Variants in TTLL3 observed in about 807,000 individuals in gnomAD.
The protein encoded by TTLL3 is tubulin tyrosine ligase like 3.
A neutral mutation model predicts 75.2 loss-of-function variants in TTLL3; 63 were observed. That is an observed-to-expected ratio of 0.84 (90% CI 0.68 to 1.03). The LOEUF (loss-of-function observed/expected upper bound fraction) is 1.03, where lower values mean the gene tolerates loss of function less well. Ranked by LOEUF, TTLL3 falls within the 50% of genes least tolerant of loss-of-function variation. The pLI is 0.00. For missense variants in TTLL3, 997 were observed against 1,069.9 expected, an observed-to-expected ratio of 0.93 and a Z score of 0.95; for synonymous variants, 393 against 418.5, an observed-to-expected ratio of 0.94 and a Z score of 0.74.
chr3:9,816,067 TC>T lies in TTLL3; in HGVS notation c.316-3del. Reference sequence around the variant, plus strand: ...CTCTGTGTTTCTGTCTCCTCCTGTCTCCCCAGTCCCGCATGGTCCAGAATGA... The same window carrying T: ...CTCTGTGTTTCTGTCTCCTCCTGTCTCCCAGTCCCGCATGGTCCAGAATGA... On this transcript the variant is annotated splice_region_variant and splice_polypyrimidine_tract_variant and intron_variant, in intron 4 of 13. Transcript: ENST00000685419. The T allele has an allele frequency of 7.4e-7, 1 of 1,350,452 alleles. No individual in the cohort carries two copies. The highest frequency in any genetic ancestry group is 9.9e-7 in the Non-Finnish European group (1 of 1,012,698). 83.7% of individuals were successfully genotyped at this position (1,350,452 alleles called of 1,614,324 possible).
At chr3:9,810,206 G>A, upstream of TTLL3, 2 of 1,486,400 alleles carry the variant, frequency 1.3e-6, no homozygotes, top group East Asian at 2.8e-5. The surrounding 1 kb of genome is among the most constrained non-coding windows in gnomAD (Gnocchi z 4.4). Flanking sequence ...CCATGGGCCG[G>A]CCCTGCCTCC....
chr3:9,821,822 G>A (rs919532919), intron 8 of TTLL3, among the ~76,000 whole-genome samples: 2 of 151,928 alleles, frequency 1.3e-5, no homozygotes, highest in Non-Finnish European at 2.9e-5. Context: ...GGCCAATATG[G>A]CGAAACCCCA....
chr3:9,825,230 T>G (rs551539731), intron 8 of TTLL3, among the ~76,000 whole-genome samples: 1 of 151,962 alleles, frequency 6.6e-6, no homozygotes, highest in Non-Finnish European at 1.5e-5. Flanking sequence ...ATGCCTGTAA[T>G]TCCAACTACT....
In TTLL3 at chr3:9,817,632, G is replaced by T. The variant is rs1430144098; in HGVS notation, c.445-13G>T. ...GCAGTCCTGCCCTGCCCTCTCAGTG[G>T]CTAACTCCGTAGGTGGGTCTATGTC... On this transcript the variant is annotated splice_polypyrimidine_tract_variant and intron_variant, in intron 5 of 13. Transcript: ENST00000685419. 6.2e-7 allele frequency: 1 copy of T among 1,613,854 alleles called. No individual in the cohort carries two copies. Among genetic ancestry groups the T allele is most frequent in the East Asian group, 2.2e-5 (1 of 44,878 alleles).
At chr3:9,835,025 C>G (rs2081953416) in intron 13 of TTLL3, 69 bp from the exon 14 acceptor site, 3 of 1,592,390 alleles carry the variant, frequency 1.9e-6, no homozygotes, top group Non-Finnish European at 2.6e-6. Flanking sequence ...AAGAGCTGGT[C>G]TCCCTCAGAA....
chr3:9,824,190 T>C (rs890442884), intron 8 of TTLL3, among the ~76,000 whole-genome samples: 3 of 152,152 alleles, frequency 2.0e-5, no homozygotes, highest in Admixed American at 6.6e-5. Context: ...GGGTAGATGA[T>C]GGGAAGAAAA....
chr3:9,833,329 G>A, intron 12 of TTLL3, 84 bp downstream of exon 12: 1 of 1,572,352 alleles, frequency 6.4e-7, no homozygotes, highest in Non-Finnish European at 8.6e-7. Context: ...TGAGAAGCCA[G>A]TCTCCACTGC....
Position 9,833,219 on chromosome 3 carries a change from T to C in TTLL3, c.1799T>C (p.Leu600Pro). The C allele has an allele frequency of 6.2e-7, 1 of 1,614,048 alleles. No individual in the cohort carries two copies. The highest frequency in any genetic ancestry group is 8.5e-7 in the Non-Finnish European group (1 of 1,179,954). ...ATGGGGGTCCGCCCAGCAGTCCCTCTGCTGACCCAGCGAGGCTCTGGGGAA... is the reference window on the plus strand; with the variant it reads ...ATGGGGGTCCGCCCAGCAGTCCCTCCGCTGACCCAGCGAGGCTCTGGGGAA... ...RRMGVRPAVP[L>P]LTQRGSGEAR... The change falls in exon 12 of 14, where the codon CTG becomes CCG. Residue 600 changes from leucine to proline, a missense_variant. Transcript: ENST00000685419.
At chr3:9,825,400 C>A in intron 8 of TTLL3, 1 of 279,828 alleles carries the variant, frequency 3.6e-6, no homozygotes, top group Non-Finnish European at 7.1e-6. Context: ...CCTGGCAGGG[C>A]CTTGAGGGCA....
rs1321289160 is a variant in TTLL3, at chr3:9,835,551, G to A, written c.*62G>A. The A allele has an allele frequency of 2.0e-6, 3 of 1,483,380 alleles. No homozygotes were observed. The highest frequency in any genetic ancestry group is 1.4e-5 in the African/African-American group (1 of 71,212). The allele number at this position is 1,483,380 out of a possible 1,614,324, so 91.9% of individuals were successfully genotyped here. ...ATTCCCACCTAAGGACAGACATGGG[G>A]CTTCCTATTTAGGGACTCCCCCAGC... On this transcript the variant is annotated 3_prime_UTR_variant, in exon 14 of 14. Transcript: ENST00000685419.
At position 9,835,118 on chromosome 3, in the gene TTLL3, G is replaced by A; in HGVS notation, c.2077G>A (p.Gly693Ser). 1 of 1,612,212 alleles carries A rather than the reference G, an allele frequency of 6.2e-7. No individual in the cohort carries two copies. Among genetic ancestry groups the A allele is most frequent in the Non-Finnish European group, 8.5e-7 (1 of 1,178,724 alleles). Residue 693 changes from glycine (G) to serine (S), a missense_variant, in exon 14 of 14, where the codon GGC becomes AGC. Transcript: ENST00000685419. ...GGCTCCTGCTCTCCTGTGCCTCCGA[G>A]GCCCCCAGCTGGAAGTGCCTTGTTG... ...RKAPALLCLR[G>S]PQLEVPCCLC...
chr3:9,823,351 T>A (rs1243479297), intron 8 of TTLL3, among the ~76,000 whole-genome samples: 2 of 148,918 alleles, frequency 1.3e-5, no homozygotes, highest in African/African-American at 2.5e-5. Context: ...GCCACTGCAC[T>A]CCAGCCTGGG....
chr3:9,833,735 C>G (rs1297028922), intron 12 of TTLL3, among the ~76,000 whole-genome samples: 1 of 152,132 alleles, frequency 6.6e-6, no homozygotes, highest in Non-Finnish European at 1.5e-5. Flanking sequence ...GTCCAGGCTA[C>G]TCGCGAGGCT....
intron 4 of TTLL3, among the ~76,000 whole-genome samples, chr3:9,815,550 C>T (rs1202251649): frequency 6.6e-6 from 1 of 152,174 alleles, no homozygotes; most frequent in African/African-American, 2.4e-5. Context: ...AGGCTGTGTG[C>T]CCATCAGCTT....
In TTLL3 at chr3:9,827,625, C is replaced by T. The variant is rs138784873; in HGVS notation, c.1247+385C>T. The T allele has an allele frequency of 1.9e-3, 456 of 242,400 alleles. 11 individuals carry two copies. In the East Asian group the frequency reaches 0.04, roughly 21 times the overall value. 15.0% of individuals were successfully genotyped at this position (242,400 alleles called of 1,614,324 possible). On this transcript the variant is annotated intron_variant, in intron 10 of 13. Coordinates refer to ENST00000685419, the MANE Select transcript of TTLL3 (RefSeq NM_001387446.1). The stretch of plus-strand genomic sequence containing the variant: ...TGTTGCCCAGGTTGGTCTCAAACTC[C>T]TGGGCTCAAGCGATCATCCCACCTT...
Position 9,812,925 on chromosome 3 carries a change from C to A in TTLL3, c.49-18C>A. The A allele has an allele frequency of 6.7e-7, 1 of 1,485,916 alleles. No homozygotes were observed. Among genetic ancestry groups the A allele is most frequent in the East Asian group, 2.3e-5 (1 of 43,554 alleles). The allele number at this position is 1,485,916 out of a possible 1,614,324, so 92.0% of individuals were successfully genotyped here. On this transcript the variant is annotated intron_variant, in intron 2 of 13. Coordinates refer to ENST00000685419, the MANE Select transcript of TTLL3 (RefSeq NM_001387446.1). Reference sequence around the variant, plus strand: ...TATGCAATACTTATTGAAGAAGTATCCTTCTCTCACATTGCAGCAGAAGAA... The same window carrying A: ...TATGCAATACTTATTGAAGAAGTATACTTCTCTCACATTGCAGCAGAAGAA...
chr3:9,822,414 A>G lies in TTLL3; in HGVS notation c.854+1673A>G, dbSNP rs184522898. ...GTGTGGGGGCAAGTTCTGGAGGGCT[A>G]TAAGAACCTCTCTAAAGTCGGGATT... On this transcript the variant is annotated intron_variant, in intron 8 of 13. Transcript: ENST00000685419. 3.4e-4 allele frequency among the ~76,000 whole-genome samples: 52 copies of G among 152,160 alleles called. No individual in the cohort carries two copies. In the East Asian group the frequency reaches 5.4e-3, roughly 16 times the overall value.
At position 9,835,791 on chromosome 3, in the gene TTLL3, G is replaced by A; in HGVS notation, c.*302G>A. On this transcript the variant is annotated 3_prime_UTR_variant, in exon 14 of 14. Coordinates refer to ENST00000685419, the MANE Select transcript of TTLL3 (RefSeq NM_001387446.1). ...CCGGGCATAGGAACGTTAATGCCATGAGACAGGGGAAGGAATTGGCCTTGC... is the reference window on the plus strand; with the variant it reads ...CCGGGCATAGGAACGTTAATGCCATAAGACAGGGGAAGGAATTGGCCTTGC... 2 of 365,886 alleles carry A rather than the reference G, an allele frequency of 5.5e-6. No individual in the cohort carries two copies. Among genetic ancestry groups the A allele is most frequent in the South Asian group, 1.2e-4 (2 of 16,072 alleles). 22.7% of individuals were successfully genotyped at this position (365,886 alleles called of 1,614,324 possible).
chr3:9,816,282 G>C, intron 5 of TTLL3, 80 bp downstream of exon 5: 2 of 1,273,784 alleles, frequency 1.6e-6, no homozygotes, highest in African/African-American at 1.5e-5. Flanking sequence ...TGCTCACCTT[G>C]TTAGTAAGAG....
Sources: allele counts gnomAD v4.1 joint callset (sites outside exome capture counted in the v4.1 genomes callset), GRCh38; gene constraint gnomAD v4.1.1; non-coding constraint Gnocchi (gnomAD v3.1); transcripts MANE v1.5; gene names NCBI Gene and HGNC (gene_info 2026-07-23, HGNC 2026-07-21).